The following ZFHX3 variants were observed in gnomAD, a reference collection of about 807,000 sequenced individuals.
The protein encoded by ZFHX3 is zinc finger homeobox 3, also known as zinc finger homeobox protein 3.
ZFHX3 carries 42 observed loss-of-function variants against 279.1 expected under a neutral mutation model. That is an observed-to-expected ratio of 0.15 (90% CI 0.12 to 0.19). ZFHX3 has a LOEUF of 0.19. Among genes scored for constraint, ZFHX3 ranks in the 10% least tolerant of loss-of-function variants. The pLI, the probability that ZFHX3 is intolerant of heterozygous loss-of-function variation, is 1.00. For synonymous variants in ZFHX3, 2,293 were observed against 1,957.8 expected (o/e 1.17, Z -4.52); for missense variants, 4,981 against 4,754.0 (o/e 1.05, Z -1.40).
In ZFHX3 at chr16:73,572,666, C is replaced by T. The variant is rs945046371; in HGVS notation, c.-1547+107514G>A. Among the ~76,000 whole-genome samples, 27 of 152,180 alleles carry T rather than the reference C, an allele frequency of 1.8e-4. 1 individual carries two copies. The highest frequency in any genetic ancestry group is 1.5e-5 in the Non-Finnish European group (1 of 68,040). On this transcript the variant is annotated intron_variant, in intron 2 of 17. Coordinates refer to the ZFHX3 transcript ENST00000641206. ...CCTGTCTGTCATGGTGAATACCAAACCAGAAGCTCGCACCACGGGATTCGA... is the reference window on the plus strand; with the variant it reads ...CCTGTCTGTCATGGTGAATACCAAATCAGAAGCTCGCACCACGGGATTCGA...
intron 1 of ZFHX3, among the ~76,000 whole-genome samples, chr16:73,746,647 A>AT (rs1234473050): frequency 1.3e-5 from 2 of 152,180 alleles, no homozygotes; most frequent in African/African-American, 4.8e-5. Context: ...TATCAAAACA[A>AT]TGGAGCTGAC....
intron 3 of ZFHX3, among the ~76,000 whole-genome samples, chr16:73,442,952 A>G (rs2018120215): frequency 6.6e-6 from 1 of 152,142 alleles, no homozygotes; most frequent in South Asian, 2.1e-4. Context: ...GGGTCTCACC[A>G]TGTTGCCCAA....
intron 1 of ZFHX3, among the ~76,000 whole-genome samples, chr16:73,797,090 G>C (rs547239560): frequency 1.3e-5 from 2 of 151,786 alleles, no homozygotes; most frequent in East Asian, 3.9e-4. Flanking sequence ...GTAATCCCAA[G>C]TGCTTGGGAG....
intron 2 of ZFHX3, among the ~76,000 whole-genome samples, chr16:73,467,703 A>G (rs1416478640): frequency 6.6e-6 from 1 of 152,198 alleles, no homozygotes; most frequent in Non-Finnish European, 1.5e-5. Context: ...AAATGTTCAT[A>G]ATAGAAAATT....
At chr16:73,549,617 A>C (rs1369455682) in intron 2 of ZFHX3, among the ~76,000 whole-genome samples, 2 of 152,170 alleles carry the variant, frequency 1.3e-5, no homozygotes, top group East Asian at 3.9e-4. Context: ...TTTCCTTTTG[A>C]AAAACACTCT....
At chr16:73,664,623 T>A (rs540536145) in intron 2 of ZFHX3, among the ~76,000 whole-genome samples, 1 of 152,334 alleles carries the variant, frequency 6.6e-6, no homozygotes, top group East Asian at 1.9e-4. Flanking sequence ...GCATCCATAT[T>A]CATTCATCTA....
chr16:73,851,937 G>A (rs1221006391), intron 1 of ZFHX3, among the ~76,000 whole-genome samples: 9 of 152,094 alleles, frequency 5.9e-5, no homozygotes, highest in Admixed American at 5.9e-4. Context: ...CATTTAGTGG[G>A]CAAGTCCAGG....
chr16:73,020,501 T>G (rs1597099997), intron 1 of ZFHX3, among the ~76,000 whole-genome samples: 1 of 152,288 alleles, frequency 6.6e-6, no homozygotes, highest in South Asian at 2.1e-4. Flanking sequence ...GCTTCTGAAA[T>G]ACACAGAAAA....
Position 72,958,084 on chromosome 16 carries a change from C to T in ZFHX3, c.2062G>A (p.Ala688Thr), listed in dbSNP as rs775563722. The T allele has an allele frequency of 1.2e-6, 2 of 1,614,074 alleles. No individual in the cohort carries two copies. Among genetic ancestry groups the T allele is most frequent in the South Asian group, 1.1e-5 (1 of 91,084 alleles). The change falls in exon 2 of 10, where the codon GCA becomes ACA. Residue 688 changes from alanine (A) to threonine (T), a missense_variant. Coordinates refer to ENST00000268489, the MANE Select transcript of ZFHX3 (RefSeq NM_006885.4). Reference protein sequence around the residue: ...WHYKYQQTLEAHMKEKHPEPG... With the variant: ...WHYKYQQTLETHMKEKHPEPG... Reference sequence around the variant, plus strand: ...TCCGGGTGCTTCTCCTTCATGTGTGCCTCCAGGGTCTGCTGGTACTTATAG... The same window carrying T: ...TCCGGGTGCTTCTCCTTCATGTGTGTCTCCAGGGTCTGCTGGTACTTATAG...
At chr16:72,972,498 C>G (rs1222010214) in intron 1 of ZFHX3, among the ~76,000 whole-genome samples, 1 of 152,214 alleles carries the variant, frequency 6.6e-6, no homozygotes. Flanking sequence ...CAAACTGCAT[C>G]AATCATTTTC....
At chr16:72,851,102 T>G (rs1246414601) in intron 4 of ZFHX3, among the ~76,000 whole-genome samples, 1 of 152,128 alleles carries the variant, frequency 6.6e-6, no homozygotes, top group Non-Finnish European at 1.5e-5. Context: ...TGCCATTTTT[T>G]TCCACATGGA....
At chr16:73,722,331 G>A (rs1168733145) in intron 1 of ZFHX3, among the ~76,000 whole-genome samples, 2 of 152,190 alleles carry the variant, frequency 1.3e-5, no homozygotes, top group Admixed American at 6.5e-5. Flanking sequence ...GAAAAATGAA[G>A]AGTGCATTAA....
chr16:72,873,695 A>G (rs1451588271), intron 4 of ZFHX3, among the ~76,000 whole-genome samples: 2 of 152,214 alleles, frequency 1.3e-5, no homozygotes, highest in African/African-American at 4.8e-5. Context: ...TTGAAAACAG[A>G]GAAAGTATGA....
chr16:73,446,261 C>T (rs1279429519), intron 3 of ZFHX3, among the ~76,000 whole-genome samples: 1 of 152,096 alleles, frequency 6.6e-6, no homozygotes, highest in Admixed American at 6.5e-5. Context: ...TGAAGAAATA[C>T]CCAAGACTGG....
At chr16:73,662,923 T>TATTTGCAGATCTTAAAGAAA (rs1177062811) in intron 2 of ZFHX3, among the ~76,000 whole-genome samples, 1 of 152,176 alleles carries the variant, frequency 6.6e-6, no homozygotes, top group African/African-American at 2.4e-5. Flanking sequence ...TTCTTTAAGA[T>TATTTGCAGATCTTAAAGAAA]ATAAATGCAG....
chr16:72,957,309 C>T (rs1567604029), intron 2 of ZFHX3, 118 bp downstream of exon 2: 2 of 1,291,052 alleles, frequency 1.5e-6, no homozygotes, highest in East Asian at 4.7e-5. Flanking sequence ...CCAGTTTACA[C>T]AAAAACCACT....
intron 1 of ZFHX3, among the ~76,000 whole-genome samples, chr16:73,853,855 G>C (rs1401116659): frequency 1.3e-5 from 2 of 152,052 alleles, no homozygotes; most frequent in South Asian, 2.1e-4. Flanking sequence ...GACTGAAAAA[G>C]TTTCCCAAAG....
At chr16:73,183,222 T>C (rs572608133) in intron 5 of ZFHX3, among the ~76,000 whole-genome samples, 1 of 151,982 alleles carries the variant, frequency 6.6e-6, no homozygotes, top group Admixed American at 6.6e-5. Flanking sequence ...ACAAAAAAAA[T>C]TACCTCTTAG....
chr16:73,791,417 T>C (rs1959820825), intron 1 of ZFHX3, among the ~76,000 whole-genome samples: 1 of 152,024 alleles, frequency 6.6e-6, no homozygotes, highest in African/African-American at 2.4e-5. Context: ...TACTTATTTA[T>C]TTATTTTTCA....
Sources: gnomAD v4.1 joint callset for allele counts (sites outside exome capture counted in the v4.1 genomes callset) on GRCh38, gnomAD v4.1.1 for gene constraint, MANE v1.5 for transcripts, NCBI Gene and HGNC (gene_info 2026-07-23, HGNC 2026-07-21) for gene names.